The following JAZF1 variants were observed in gnomAD, a reference collection of about 807,000 sequenced individuals.
JAZF1 encodes juxtaposed with another zinc finger protein 1.
JAZF1 carries 8 observed loss-of-function variants against 26.4 expected under a neutral mutation model. The ratio of observed to expected loss-of-function variants is 0.30; its 90% CI spans 0.18 to 0.55. JAZF1 has a LOEUF of 0.55. JAZF1 is among the 20% of genes least tolerant of loss of function. JAZF1 has a pLI of 0.94. For missense variants in JAZF1, 199 were observed against 322.0 expected (o/e 0.62, Z 2.92); for synonymous variants, 126 against 122.3 (o/e 1.03, Z -0.20).
At chr7:28,088,513 C>T (rs1156857604) in intron 1 of JAZF1, among the ~76,000 whole-genome samples, 2 of 152,152 alleles carry the variant, frequency 1.3e-5, no homozygotes, top group Non-Finnish European at 2.9e-5. Flanking sequence ...CATGAGAAAA[C>T]CTCAGTAAGT....
At position 28,158,186 on chromosome 7, in the gene JAZF1, C is replaced by CACACACACACACAG. The variant is rs149643430; in HGVS notation, c.115+22276_115+22277insCTGTGTGTGTGTGT. Among the ~76,000 whole-genome samples the CACACACACACACAG allele has an allele frequency of 9.8e-4, 141 of 143,426 alleles. 2 individuals are homozygous for CACACACACACACAG. The East Asian group carries it at 0.02, about 20-fold the overall frequency. 94.1% of individuals were successfully genotyped at this position (143,426 alleles called of 152,430 possible). A position where few individuals can be genotyped will look rare whatever the true frequency, so the allele number is the denominator to read the frequency against. ...ACACACAAACACACACACACACACA[C>CACACACACACACAG]AGAGAGAGAGAGAGAGAGGGAGAGA... On this transcript the variant is annotated intron_variant, in intron 1 of 4. Coordinates refer to ENST00000283928, the MANE Select transcript of JAZF1 (RefSeq NM_175061.4).
At chr7:28,171,014 A>C (rs1783462002) in intron 1 of JAZF1, among the ~76,000 whole-genome samples, 1 of 152,212 alleles carries the variant, frequency 6.6e-6, no homozygotes. Context: ...CCCCCCAAAT[A>C]ATAAATAATA....
At position 28,148,218 on chromosome 7, in the gene JAZF1, G is replaced by A. The variant is rs536313913; in HGVS notation, c.115+32245C>T. On this transcript the variant is annotated intron_variant, in intron 1 of 4. Transcript: ENST00000283928. ...CCCGAGTAGCTGGGATTACAGGCAC[G>A]CACCACTACACCCAGTTAATTTTTG... Among the ~76,000 whole-genome samples, 5 of 152,068 alleles carry A rather than the reference G, an allele frequency of 3.3e-5. No individual in the cohort carries two copies. The East Asian group carries it at 7.7e-4, about 24-fold the overall frequency.
intron 2 of JAZF1, among the ~76,000 whole-genome samples, chr7:27,970,534 A>G (rs1785356877): frequency 6.6e-6 from 1 of 152,222 alleles, no homozygotes; most frequent in East Asian, 1.9e-4. Context: ...TTCAATTATG[A>G]GTATATGGAA....
chr7:28,094,273 C>T (rs1486120022), intron 1 of JAZF1, among the ~76,000 whole-genome samples: 1 of 152,180 alleles, frequency 6.6e-6, no homozygotes, highest in Admixed American at 6.5e-5. Context: ...ATCCCTTCTT[C>T]CCTTTTCCCA....
chr7:27,998,063 A>C (rs62449872), intron 1 of JAZF1, among the ~76,000 whole-genome samples: 20 of 72,182 alleles, frequency 2.8e-4, no homozygotes, highest in Non-Finnish European at 5.6e-4. Context: ...GGAAGGAAGG[A>C]AGGAAGGAAG....
intron 1 of JAZF1, among the ~76,000 whole-genome samples, chr7:28,067,736 A>G (rs2127908411): frequency 6.6e-6 from 1 of 152,318 alleles, no homozygotes; most frequent in East Asian, 1.9e-4. Flanking sequence ...CAGTGTCAAA[A>G]TAGGTTGGAA....
chr7:28,060,619 C>A (rs1415261455), intron 1 of JAZF1, among the ~76,000 whole-genome samples: 3 of 152,156 alleles, frequency 2.0e-5, no homozygotes, highest in African/African-American at 7.2e-5. Context: ...TTATTTTTTG[C>A]TCCTCCACAT....
At chr7:28,140,962 T>A (rs938290921) in intron 1 of JAZF1, among the ~76,000 whole-genome samples, 4 of 152,220 alleles carry the variant, frequency 2.6e-5, no homozygotes, top group Non-Finnish European at 5.9e-5. Flanking sequence ...TTGTAGGAAA[T>A]GTTCAATGTT....
At position 27,982,830 on chromosome 7, in the gene JAZF1, G is replaced by C. The variant is rs183945168; in HGVS notation, c.188+9079C>G. ...CCGCTGGTGATACACAGGCAAACAG[G>C]GTCTGGAGAGGACCTCCAGCAAACT... is the stretch of plus-strand genomic sequence containing the variant. On this transcript the variant is annotated intron_variant, in intron 2 of 4. Transcript: ENST00000283928. Among the ~76,000 whole-genome samples, 773 of 152,204 alleles carry C rather than the reference G, an allele frequency of 5.1e-3. 10 individuals carry two copies. The highest frequency in any genetic ancestry group is 0.012 in the South Asian group (57 of 4,820).
chr7:27,989,591 A>C (rs1451629003), intron 2 of JAZF1, among the ~76,000 whole-genome samples: 1 of 152,206 alleles, frequency 6.6e-6, no homozygotes, highest in Non-Finnish European at 1.5e-5. Context: ...TACAAGAAAA[A>C]AATCAAACAA....
chr7:27,960,197 T>C (rs561556496), intron 2 of JAZF1, among the ~76,000 whole-genome samples: 1 of 152,358 alleles, frequency 6.6e-6, no homozygotes, highest in East Asian at 1.9e-4. Context: ...GCTTATTTAA[T>C]TGAATGGCAT....
rs763767169 is a variant in JAZF1, at chr7:27,840,881, G to A, written c.386-14C>T. The stretch of plus-strand genomic sequence containing the variant: ...CATACTCGCTGCCTGCAGGACAAGA[G>A]AAGTGCAAGGACTGTCAGGAGCGCT... On this transcript the variant is annotated splice_polypyrimidine_tract_variant and intron_variant, in intron 3 of 4. Transcript: ENST00000283928. This position sits in a 1 kb window ranked among gnomAD's most constrained non-coding sequence, Gnocchi z 5.1. The A allele has an allele frequency of 1.2e-5, 19 of 1,613,478 alleles. No homozygotes were observed. Among genetic ancestry groups the A allele is most frequent in the Non-Finnish European group, 1.1e-5 (13 of 1,179,734 alleles).
At chr7:28,083,198 ATC>A (rs1784163792) in intron 1 of JAZF1, among the ~76,000 whole-genome samples, 1 of 152,120 alleles carries the variant, frequency 6.6e-6, no homozygotes, top group African/African-American at 2.4e-5. Flanking sequence ...TGGGGTTCAC[ATC>A]TCTCAGTTTA....
intron 3 of JAZF1, among the ~76,000 whole-genome samples, chr7:27,869,731 C>T (rs75128707): frequency 0.031 from 4,645 of 152,250 alleles, 101 homozygotes; most frequent in Non-Finnish European, 0.045. Context: ...AATAGAAACA[C>T]GGCAACAAAA....
intron 3 of JAZF1, among the ~76,000 whole-genome samples, chr7:27,868,684 T>A (rs182238323): frequency 6.6e-6 from 1 of 152,290 alleles, no homozygotes; most frequent in East Asian, 1.9e-4. Flanking sequence ...CAGTGAGAGG[T>A]TGCCTCCTGG....
chr7:27,978,024 A>T (rs1785505411), intron 2 of JAZF1, among the ~76,000 whole-genome samples: 1 of 152,232 alleles, frequency 6.6e-6, no homozygotes, highest in Non-Finnish European at 1.5e-5. Flanking sequence ...AATTATTTAA[A>T]TATTTTTATG....
chr7:28,065,447 C>T (rs567959481), intron 1 of JAZF1, among the ~76,000 whole-genome samples: 5 of 152,124 alleles, frequency 3.3e-5, no homozygotes, highest in African/African-American at 4.8e-5. Flanking sequence ...AACAATCAGA[C>T]AGTGAGGTGA....
At chr7:27,907,201 G>T (rs1252108469) in intron 2 of JAZF1, among the ~76,000 whole-genome samples, 2 of 152,056 alleles carry the variant, frequency 1.3e-5, no homozygotes, top group Non-Finnish European at 2.9e-5. Context: ...TCTCATCTTG[G>T]GGTCCTCCTT....
Sources: allele counts gnomAD v4.1 joint callset (sites outside exome capture counted in the v4.1 genomes callset), GRCh38; gene constraint gnomAD v4.1.1; non-coding constraint Gnocchi (gnomAD v3.1); transcripts MANE v1.5; gene names NCBI Gene and HGNC (gene_info 2026-07-23, HGNC 2026-07-21).